STMN2: variants seen among roughly 807,000 people sequenced by gnomAD.
STMN2 encodes stathmin-2.
STMN2 carries 2 observed loss-of-function variants against 24.1 expected under a neutral mutation model. That is an observed-to-expected ratio of 0.08 (90% CI 0.03 to 0.26). The LOEUF (loss-of-function observed/expected upper bound fraction) is 0.26, where lower values mean the gene tolerates loss of function less well. Among genes scored for constraint, STMN2 ranks in the 10% least tolerant of loss-of-function variants. The pLI is 1.00. For synonymous variants in STMN2, 83 were observed against 77.5 expected, an observed-to-expected ratio of 1.07 and a Z score of -0.37; for missense variants, 114 against 213.6, an observed-to-expected ratio of 0.53 and a Z score of 2.91.
At chr8:79,614,944 C>G (rs1273865196) in intron 1 of STMN2, among the ~76,000 whole-genome samples, 1 of 152,176 alleles carries the variant, frequency 6.6e-6, no homozygotes, top group Non-Finnish European at 1.5e-5. Context: ...ATAGCTCATT[C>G]TCAGTGATTA....
At chr8:79,646,384 G>T (rs537030274) in intron 3 of STMN2, among the ~76,000 whole-genome samples, 1 of 151,748 alleles carries the variant, frequency 6.6e-6, no homozygotes, top group African/African-American at 2.4e-5. Context: ...AGAACTGGGG[G>T]TGTGGGGGTG....
chr8:79,613,484 C>G, intron 1 of STMN2: 2 of 985,488 alleles, frequency 2.0e-6, no homozygotes, highest in Non-Finnish European at 2.4e-6. Context: ...TTCACTCGCA[C>G]GTCCAGAAAG....
chr8:79,645,028 G>A (rs1350731701), intron 3 of STMN2, among the ~76,000 whole-genome samples: 1 of 152,074 alleles, frequency 6.6e-6, no homozygotes. Context: ...AGTGGCGAGT[G>A]CCTGTAATCC....
chr8:79,636,778 C>T (rs1809972111), intron 1 of STMN2, 24 bp from the exon 2 acceptor site: 1 of 1,599,900 alleles, frequency 6.3e-7, no homozygotes, highest in Admixed American at 1.7e-5. Flanking sequence ...ATGAAATATA[C>T]TAATCTTCAG....
intron 4 of STMN2, among the ~76,000 whole-genome samples, chr8:79,659,400 G>A (rs1322632603): frequency 6.6e-6 from 1 of 152,104 alleles, no homozygotes; most frequent in East Asian, 1.9e-4. Flanking sequence ...GAAGATGAGA[G>A]AAAGGAAAGA....
chr8:79,661,017 T>C (rs1308736238), intron 4 of STMN2, among the ~76,000 whole-genome samples: 1 of 152,194 alleles, frequency 6.6e-6, no homozygotes, highest in Non-Finnish European at 1.5e-5. Flanking sequence ...ACATGGTGTA[T>C]ATATACCACA....
At chr8:79,632,851 G>C (rs577736894) in intron 1 of STMN2, among the ~76,000 whole-genome samples, 7 of 152,098 alleles carry the variant, frequency 4.6e-5, no homozygotes, top group Non-Finnish European at 1.0e-4. Context: ...ACAACAAAAT[G>C]ATAAGTGTTA....
chr8:79,647,750 G>A (rs1332779754), intron 3 of STMN2, among the ~76,000 whole-genome samples: 2 of 152,128 alleles, frequency 1.3e-5, no homozygotes, highest in Non-Finnish European at 2.9e-5. Flanking sequence ...TTTGATTATC[G>A]CTGGTAGTCA....
At chr8:79,622,132 G>C (rs1009740544) in intron 1 of STMN2, among the ~76,000 whole-genome samples, 2 of 151,750 alleles carry the variant, frequency 1.3e-5, no homozygotes, top group Non-Finnish European at 3.0e-5. Flanking sequence ...GTATCCAGTG[G>C]ACATGGTTTT....
intron 1 of STMN2, among the ~76,000 whole-genome samples, chr8:79,619,233 T>A (rs1809455237): frequency 6.6e-6 from 1 of 152,182 alleles, no homozygotes; most frequent in East Asian, 1.9e-4. Flanking sequence ...TCTGTCCATC[T>A]TTTAGTTGTA....
intron 1 of STMN2, among the ~76,000 whole-genome samples, chr8:79,622,562 T>C (rs1353772250): frequency 6.6e-6 from 1 of 152,192 alleles, no homozygotes; most frequent in African/African-American, 2.4e-5. Context: ...TGCCAGAATT[T>C]AATAGTTAAG....
intron 3 of STMN2, among the ~76,000 whole-genome samples, chr8:79,650,655 T>C (rs1183183807): frequency 6.6e-6 from 1 of 152,198 alleles, no homozygotes; most frequent in African/African-American, 2.4e-5. Flanking sequence ...GCAATATCTA[T>C]CTGGATGCTA....
intron 1 of STMN2, among the ~76,000 whole-genome samples, chr8:79,625,015 T>A (rs1809618821): frequency 6.6e-6 from 1 of 152,160 alleles, no homozygotes; most frequent in Non-Finnish European, 1.5e-5. Flanking sequence ...TTGAGACATG[T>A]CTCATTATTC....
chr8:79,655,727 A>G (rs34280464), intron 4 of STMN2, among the ~76,000 whole-genome samples: 16,346 of 152,074 alleles, frequency 0.11, 1,071 homozygotes, highest in Non-Finnish European at 0.15. Flanking sequence ...TCACTTTTGT[A>G]CTCTCTATGC....
At chr8:79,617,559 T>C (rs1309956494) in intron 1 of STMN2, among the ~76,000 whole-genome samples, 1 of 152,230 alleles carries the variant, frequency 6.6e-6, no homozygotes, top group Non-Finnish European at 1.5e-5. Flanking sequence ...ACTTTCCATT[T>C]TTGCAATTTC....
At chr8:79,624,185 T>G (rs1313229179) in intron 1 of STMN2, among the ~76,000 whole-genome samples, 2 of 152,088 alleles carry the variant, frequency 1.3e-5, no homozygotes, top group African/African-American at 4.8e-5. Context: ...CTGGGCGTGG[T>G]GGCTCACACC....
chr8:79,618,704 C>T (rs987027340), intron 1 of STMN2, among the ~76,000 whole-genome samples: 2 of 152,104 alleles, frequency 1.3e-5, no homozygotes, highest in Non-Finnish European at 2.9e-5. Context: ...TTTATAATAT[C>T]CATTTTTATT....
chr8:79,626,827 A>C (rs1323115022), intron 1 of STMN2, among the ~76,000 whole-genome samples: 1 of 152,234 alleles, frequency 6.6e-6, no homozygotes, highest in African/African-American at 2.4e-5. Context: ...AGTTGCAAAG[A>C]AATGATTAGC....
At chr8:79,638,878 AT>A (rs1192559532) in intron 2 of STMN2, among the ~76,000 whole-genome samples, 1 of 152,080 alleles carries the variant, frequency 6.6e-6, no homozygotes, top group African/African-American at 2.4e-5. Context: ...AGCTGTTTTT[AT>A]TTGCCCGTGT....
Sources: allele counts gnomAD v4.1 joint callset (sites outside exome capture counted in the v4.1 genomes callset), GRCh38; gene constraint gnomAD v4.1.1; transcripts MANE v1.5; gene names NCBI Gene and HGNC (gene_info 2026-07-23, HGNC 2026-07-21).